The following RGS22 variants were observed in gnomAD, a reference collection of about 807,000 sequenced individuals.
RGS22 encodes the protein regulator of G protein signaling 22.
In RGS22, 148 loss-of-function variants were observed where a neutral mutation model predicts 172.9. The ratio of observed to expected loss-of-function variants is 0.86; its 90% CI spans 0.75 to 0.98. The LOEUF (loss-of-function observed/expected upper bound fraction) is 0.98. Among genes scored for constraint, RGS22 ranks in the 50% least tolerant of loss-of-function variants. RGS22 has a pLI of 0.00. For missense variants in RGS22, 1,347 were observed against 1,440.8 expected (o/e 0.93, Z 1.05); for synonymous variants, 458 against 480.2 (o/e 0.95, Z 0.60).
At chr8:100,001,202 T>TTATATATATATATATATATATATACA (rs140189906) in intron 18 of RGS22, among the ~76,000 whole-genome samples, 3 of 124,780 alleles carry the variant, frequency 2.4e-5, no homozygotes, top group Non-Finnish European at 4.9e-5. Context: ...TCCCAATTTT[T>TTATATATATATATATATATATATACA]TATATATATA....
intron 23 of RGS22, among the ~76,000 whole-genome samples, chr8:99,974,019 A>T (rs185129560): frequency 7.6e-4 from 116 of 152,304 alleles, no homozygotes; most frequent in Non-Finnish European, 1.2e-3. Context: ...AATGCATATT[A>T]ACAAAAGTGT....
chr8:100,067,401 A>T (rs540241877), intron 6 of RGS22, among the ~76,000 whole-genome samples: 2 of 152,262 alleles, frequency 1.3e-5, no homozygotes, highest in East Asian at 1.9e-4. Flanking sequence ...TTAATTATAC[A>T]TTCATCTAAC....
chr8:99,967,849 C>T (rs1810916469), intron 23 of RGS22, among the ~76,000 whole-genome samples: 1 of 152,178 alleles, frequency 6.6e-6, no homozygotes, highest in Non-Finnish European at 1.5e-5. Context: ...CTGAAGAGAG[C>T]AAAAGATCTC....
At chr8:99,979,386 A>G (rs1321513444) in intron 22 of RGS22, among the ~76,000 whole-genome samples, 1 of 152,226 alleles carries the variant, frequency 6.6e-6, no homozygotes, top group African/African-American at 2.4e-5. Flanking sequence ...AGAAGTTGCA[A>G]TTGAGATTGT....
intron 2 of RGS22, among the ~76,000 whole-genome samples, chr8:100,103,575 G>A (rs765491513): frequency 6.6e-6 from 1 of 152,112 alleles, no homozygotes; most frequent in African/African-American, 2.4e-5. Context: ...AATAACCGCT[G>A]GATATACAGA....
chr8:100,073,250 CAT>C (rs1811111819), intron 4 of RGS22, among the ~76,000 whole-genome samples: 1 of 152,094 alleles, frequency 6.6e-6, no homozygotes, highest in Non-Finnish European at 1.5e-5. Flanking sequence ...AGAGTTAACA[CAT>C]AGACCATTAC....
chr8:100,028,388 C>T (rs1381730556), intron 14 of RGS22, among the ~76,000 whole-genome samples: 2 of 151,056 alleles, frequency 1.3e-5, no homozygotes, highest in Non-Finnish European at 2.9e-5. Flanking sequence ...GTCACATGTT[C>T]CCTTATTTAA....
At chr8:99,991,849 T>C (rs1010671768) in intron 20 of RGS22, among the ~76,000 whole-genome samples, 10 of 152,132 alleles carry the variant, frequency 6.6e-5, no homozygotes, top group Non-Finnish European at 1.3e-4. Flanking sequence ...GGAAAAAGTG[T>C]TAAGGGCAGC....
chr8:100,045,834 G>C (rs1820660504), intron 11 of RGS22, among the ~76,000 whole-genome samples: 1 of 151,482 alleles, frequency 6.6e-6, no homozygotes, highest in Non-Finnish European at 1.5e-5. Flanking sequence ...GAAAAATGAA[G>C]ATAATGTTTT....
chr8:100,093,186 G>T, intron 3 of RGS22: 1 of 306,490 alleles, frequency 3.3e-6, no homozygotes. Flanking sequence ...CTAACATGGT[G>T]CCAAATACAG....
chr8:99,976,985 CAG>C (rs148668498), intron 23 of RGS22, among the ~76,000 whole-genome samples: 4,086 of 151,998 alleles, frequency 0.027, 93 homozygotes, highest in Non-Finnish European at 0.046. Flanking sequence ...TTAATTAAAA[CAG>C]ATAAATATAA....
intron 14 of RGS22, chr8:100,023,968 GTTTT>G (rs1817897207): frequency 6.6e-6 from 1 of 152,512 alleles, no homozygotes; most frequent in East Asian, 1.9e-4. Context: ...TTTTTTTGTT[GTTTT>G]TTGTTTTTTT....
At position 100,064,664 on chromosome 8, in the gene RGS22, G is replaced by T. The variant is rs75663366; in HGVS notation, c.725-621C>A. On this transcript the variant is annotated intron_variant, in intron 7 of 27. Coordinates refer to ENST00000360863, the MANE Select transcript of RGS22 (RefSeq NM_015668.5). Reference sequence around the variant, plus strand: ...AAAATACATTATGTACTTTTAAAATGTAATATTCCAGACTAATATATAATA... The same window carrying T: ...AAAATACATTATGTACTTTTAAAATTTAATATTCCAGACTAATATATAATA... 3.9e-3 allele frequency among the ~76,000 whole-genome samples: 599 copies of T among 152,180 alleles called. 10 individuals are homozygous for T. The highest frequency in any genetic ancestry group is 0.021 in the East Asian group (107 of 5,184).
intron 11 of RGS22, among the ~76,000 whole-genome samples, chr8:100,045,146 C>T (rs1355950466): frequency 3.3e-5 from 5 of 151,772 alleles, no homozygotes; most frequent in Non-Finnish European, 7.4e-5. Flanking sequence ...TGGTGGCACA[C>T]ACCTGTAGTC....
At chr8:100,083,963 C>A (rs534065944) in intron 3 of RGS22, among the ~76,000 whole-genome samples, 4 of 151,310 alleles carry the variant, frequency 2.6e-5, no homozygotes, top group African/African-American at 9.7e-5. Flanking sequence ...GATTCTCCTG[C>A]CTCAGCCTCC....
chr8:100,012,563 C>G (rs1816501747), intron 14 of RGS22, among the ~76,000 whole-genome samples: 1 of 149,874 alleles, frequency 6.7e-6, no homozygotes, highest in African/African-American at 2.5e-5. Context: ...GACTGGGTGA[C>G]AAGAGTGAGG....
intron 23 of RGS22, among the ~76,000 whole-genome samples, chr8:99,967,235 A>C (rs1014677833): frequency 1.2e-4 from 19 of 152,142 alleles, no homozygotes; most frequent in African/African-American, 4.3e-4. Flanking sequence ...CCTGCAGGCT[A>C]GGAGATTCCC....
intron 19 of RGS22, among the ~76,000 whole-genome samples, chr8:99,999,016 G>A (rs1326974706): frequency 2.6e-5 from 4 of 152,022 alleles, no homozygotes; most frequent in South Asian, 2.1e-4. Context: ...TCAATTAGCT[G>A]GGCATGGTAG....
intron 21 of RGS22, among the ~76,000 whole-genome samples, chr8:99,984,371 C>T (rs143609162): frequency 1.9e-3 from 284 of 152,194 alleles, no homozygotes; most frequent in Non-Finnish European, 2.6e-3. Context: ...TGAAATAAAA[C>T]AAATTTGTGA....
Sources: gnomAD v4.1 joint callset for allele counts (sites outside exome capture counted in the v4.1 genomes callset) on GRCh38, gnomAD v4.1.1 for gene constraint, MANE v1.5 for transcripts, NCBI Gene and HGNC (gene_info 2026-07-23, HGNC 2026-07-21) for gene names.